Variants in GRHL1 observed in about 807,000 individuals in gnomAD.
GRHL1 encodes grainyhead like transcription factor 1, also known as grainyhead-like protein 1 homolog.
A neutral mutation model predicts 75.7 loss-of-function variants in GRHL1; 38 were observed. The observed-to-expected ratio is 0.50, with a 90% CI of 0.39 to 0.66. The LOEUF (loss-of-function observed/expected upper bound fraction) is 0.66. GRHL1 is among the 30% of genes least tolerant of loss of function. The probability of loss-of-function intolerance (pLI) is 0.00; values close to 1 mark genes in which losing one functional copy is unlikely to be tolerated. For synonymous variants in GRHL1, 266 were observed against 279.4 expected (o/e 0.95, Z 0.48); for missense variants, 589 against 767.5 (o/e 0.77, Z 2.75).
At chr2:9,971,188 T>C (rs534356438) in intron 8 of GRHL1, among the ~76,000 whole-genome samples, 1 of 152,188 alleles carries the variant, frequency 6.6e-6, no homozygotes, top group African/African-American at 2.4e-5. Flanking sequence ...AACATATTGC[T>C]TGCATTTATC....
chr2:9,964,762 G>A (rs906555427), intron 7 of GRHL1: 5 of 173,432 alleles, frequency 2.9e-5, no homozygotes, highest in African/African-American at 4.8e-5. Flanking sequence ...CCCTAGTCAC[G>A]TGCTAAACCG....
intron 14 of GRHL1, among the ~76,000 whole-genome samples, chr2:9,998,219 C>T (rs1036274583): frequency 6.6e-6 from 1 of 151,814 alleles, no homozygotes; most frequent in Non-Finnish European, 1.5e-5. Flanking sequence ...AGCTGTTTGT[C>T]CTTGGAGCAA....
At chr2:9,983,789 T>TAAAA (rs1558308793) in intron 8 of GRHL1, among the ~76,000 whole-genome samples, 3,951 of 151,410 alleles carry the variant, frequency 0.026, 173 homozygotes, top group African/African-American at 0.09. Flanking sequence ...TTTTTTTTTT[T>TAAAA]AAACCTGAAT....
intron 8 of GRHL1, among the ~76,000 whole-genome samples, chr2:9,972,265 A>C (rs1303943543): frequency 6.9e-6 from 1 of 143,934 alleles, no homozygotes; most frequent in Admixed American, 7.1e-5. Context: ...TGACTCCTCT[A>C]TAGAACTTTC....
At chr2:9,964,469 G>A (rs770029063) in intron 7 of GRHL1, 123 bp downstream of exon 7, 2 of 634,048 alleles carry the variant, frequency 3.2e-6, no homozygotes, top group Admixed American at 5.6e-5. Flanking sequence ...GCCAGCTACT[G>A]ATCTGTTCCA....
chr2:9,967,805 T>C (rs1558297639), intron 8 of GRHL1, among the ~76,000 whole-genome samples: 1 of 152,180 alleles, frequency 6.6e-6, no homozygotes, highest in Non-Finnish European at 1.5e-5. Flanking sequence ...TTTTTTTTTT[T>C]ACTGTTTTCT....
chr2:9,958,140 C>T (rs576756133), intron 2 of GRHL1, among the ~76,000 whole-genome samples: 5 of 150,754 alleles, frequency 3.3e-5, no homozygotes, highest in South Asian at 4.2e-4. Flanking sequence ...TGTAGATAAA[C>T]GAGTAAAACC....
intron 8 of GRHL1, among the ~76,000 whole-genome samples, chr2:9,982,992 C>G (rs6749296): frequency 0.17 from 25,914 of 152,140 alleles, 2,266 homozygotes; most frequent in Non-Finnish European, 0.19. Flanking sequence ...GGTCGCAGTG[C>G]TTAGTTAGGG....
At chr2:9,995,521 T>G (rs954385268) in intron 12 of GRHL1, among the ~76,000 whole-genome samples, 12 of 150,340 alleles carry the variant, frequency 8.0e-5, no homozygotes, top group Admixed American at 2.0e-4. Context: ...GAGGCTGCAG[T>G]GAGCCGTGAT....
chr2:9,982,524 G>C (rs1668244871), intron 8 of GRHL1, among the ~76,000 whole-genome samples: 2 of 152,248 alleles, frequency 1.3e-5, no homozygotes, highest in South Asian at 2.1e-4. Context: ...AATTCAGTCA[G>C]AGTTGTGAGG....
intron 8 of GRHL1, among the ~76,000 whole-genome samples, chr2:9,976,656 G>A (rs1340359187): frequency 2.0e-5 from 3 of 152,172 alleles, no homozygotes; most frequent in Admixed American, 1.3e-4. Flanking sequence ...CAGTGCCAGG[G>A]TGTGCGCTTA....
rs11246 is a variant in GRHL1, at chr2:10,002,174, G to A, written c.*1467G>A. 62,919 of 152,328 alleles carry A rather than the reference G, an allele frequency of 0.41. 13,713 individuals are homozygous for A. Among genetic ancestry groups the A allele is most frequent in the African/African-American group, 0.55 (22,646 of 41,380 alleles). 9.4% of individuals were successfully genotyped at this position (152,328 alleles called of 1,614,324 possible). ...ATGGGATATGGGTCATATAACTTTTGTATTTTTTATGAAGTTGATTTTGTC... is the reference window on the plus strand; with the variant it reads ...ATGGGATATGGGTCATATAACTTTTATATTTTTTATGAAGTTGATTTTGTC... On this transcript the variant is annotated 3_prime_UTR_variant, in exon 16 of 16. Coordinates refer to ENST00000324907, the MANE Select transcript of GRHL1 (RefSeq NM_198182.3).
At chr2:9,986,575 G>C (rs1260737251) in intron 9 of GRHL1, among the ~76,000 whole-genome samples, 1 of 151,284 alleles carries the variant, frequency 6.6e-6, no homozygotes, top group African/African-American at 2.4e-5. Flanking sequence ...CACCACCACG[G>C]CCGGCTAGTT....
rs1668846508 is a variant in GRHL1 at position 9,995,970 on chromosome 2, G to A, written c.1591G>A (p.Val531Met). 1 of 1,577,278 alleles carries A rather than the reference G, an allele frequency of 6.3e-7. No individual in the cohort carries two copies. Among genetic ancestry groups the A allele is most frequent in the African/African-American group, 1.3e-5 (1 of 74,222 alleles). Reference protein sequence around the residue: ...KLARIEEPKRVLLYVRKESEE... With the variant: ...KLARIEEPKRMLLYVRKESEE... Reference sequence around the variant, plus strand: ...GGCCCGGATAGAAGAACCAAAGAGAGGTGTGTTCGTTTCCATTTCTTAGTG... The same window carrying A: ...GGCCCGGATAGAAGAACCAAAGAGAAGTGTGTTCGTTTCCATTTCTTAGTG... The change falls in exon 13 of 16, where the codon GTG (valine) becomes ATG (methionine). Residue 531 changes from valine to methionine, a missense_variant and splice_region_variant. Around this residue, in one of 5 missense-constraint regions of GRHL1, gnomAD observed 192 missense variants for 226.6 expected, o/e 0.85. Transcript: ENST00000324907.
chr2:9,961,082 C>T lies in GRHL1; in HGVS notation c.315C>T (p.Ile105=), dbSNP rs753762274. 13 of 1,557,338 alleles carry T rather than the reference C, an allele frequency of 8.3e-6. No homozygotes were observed. The highest frequency in any genetic ancestry group is 1.0e-5 in the Non-Finnish European group (12 of 1,149,530). Residue 105 remains isoleucine (I), a synonymous_variant, in exon 4 of 16, where the codon ATC becomes ATT. Coordinates refer to ENST00000324907, the MANE Select transcript of GRHL1 (RefSeq NM_198182.3). The part of the protein sequence containing the change: ...SIPIVTEQPL[I]SAGENRVQVL... ...CAATTGTGACAGAGCAGCCCCTCAT[C>T]TCTGCTGGAGAAAACAGAGTGCAAG...
intron 8 of GRHL1, among the ~76,000 whole-genome samples, chr2:9,979,367 TG>T (rs1272519880): frequency 1.3e-5 from 2 of 151,826 alleles, no homozygotes; most frequent in Admixed American, 1.3e-4. Context: ...CCCAAGTAGC[TG>T]GGACTACAGG....
At chr2:9,978,781 A>G (rs12614084) in intron 8 of GRHL1, among the ~76,000 whole-genome samples, 44,361 of 151,874 alleles carry the variant, frequency 0.29, 6,681 homozygotes, top group Admixed American at 0.37. Context: ...ACCTGAGGTC[A>G]GGAGTTTGAG....
rs897888899 is a variant in GRHL1, at chr2:9,992,088, C to T, written c.1403C>T (p.Thr468Ile). 2.2e-5 allele frequency: 35 copies of T among 1,613,814 alleles called. No individual in the cohort carries two copies. The highest frequency in any genetic ancestry group is 3.0e-5 in the Non-Finnish European group (35 of 1,179,844). The change falls in exon 11 of 16, where the codon ACT (threonine) becomes ATT (isoleucine). Residue 468 changes from threonine to isoleucine, a missense_variant. Thr to Ile is a moderately conservative substitution (Grantham distance 89). This residue lies in a region of GRHL1 where 192 missense variants were observed against 226.6 expected (regional missense o/e 0.85). Coordinates refer to ENST00000324907, the MANE Select transcript of GRHL1 (RefSeq NM_198182.3). The surrounding 1 kb of genome is among the most constrained non-coding windows in gnomAD (Gnocchi z 4.6). Reference protein sequence around the residue: ...TVFKPFIDLDTQPVLFIPDVH... With the variant: ...TVFKPFIDLDIQPVLFIPDVH... Reference sequence around the variant, plus strand: ...TTCAAACCCTTCATTGATCTCGATACTCAGCCTGTCCTCTTCATTCCTGAC... The same window carrying T: ...TTCAAACCCTTCATTGATCTCGATATTCAGCCTGTCCTCTTCATTCCTGAC...
chr2:9,992,287 G>A lies in GRHL1; in HGVS notation c.1461+141G>A, dbSNP rs767860988. Reference sequence around the variant, plus strand: ...GTCAGCTCTTTGGAATATTCTGCTGGGGTGACATGATGCCCGTGCAATAAA... The same window carrying A: ...GTCAGCTCTTTGGAATATTCTGCTGAGGTGACATGATGCCCGTGCAATAAA... On this transcript the variant is annotated intron_variant, in intron 11 of 15. Transcript: ENST00000324907. This position sits in a 1 kb window ranked among gnomAD's most constrained non-coding sequence, Gnocchi z 4.6. 1.3e-4 allele frequency: 92 copies of A among 699,720 alleles called. No individual in the cohort carries two copies. In the Middle Eastern group the frequency reaches 2.0e-3, roughly 15 times the overall value. The allele number at this position is 699,720 out of a possible 1,614,324, so 43.3% of individuals were successfully genotyped here.
Sources: allele counts gnomAD v4.1 joint callset (sites outside exome capture counted in the v4.1 genomes callset), GRCh38; gene constraint gnomAD v4.1.1; regional missense constraint gnomAD v4.1.1; non-coding constraint Gnocchi (gnomAD v3.1); transcripts MANE v1.5; gene names NCBI Gene and HGNC (gene_info 2026-07-23, HGNC 2026-07-21).